The following ADAM18 variants were observed in gnomAD, a reference collection of about 807,000 sequenced individuals.
ADAM18 encodes ADAM metallopeptidase domain 18, also known as disintegrin and metalloproteinase domain-containing protein 18.
ADAM18 carries 117 observed loss-of-function variants against 94.4 expected under a neutral mutation model. The ratio of observed to expected loss-of-function variants is 1.24; its 90% CI spans 1.07 to 1.45. The LOEUF is 1.45. ADAM18 is among the 40% of genes most tolerant of loss of function. The pLI, the probability that ADAM18 is intolerant of heterozygous loss-of-function variation, is 0.00. For synonymous variants in ADAM18, 327 were observed against 291.6 expected (o/e 1.12, Z -1.24); for missense variants, 936 against 880.0 (o/e 1.06, Z -0.81).
At chr8:39,601,532 C>T (rs531311466) in intron 2 of ADAM18, among the ~76,000 whole-genome samples, 81 of 152,078 alleles carry the variant, frequency 5.3e-4, no homozygotes, top group African/African-American at 1.9e-3. Context: ...TTAATGTACA[C>T]ATTTAGTTTA....
intron 12 of ADAM18, among the ~76,000 whole-genome samples, chr8:39,658,258 C>T (rs1820739545): frequency 6.6e-6 from 1 of 152,164 alleles, no homozygotes; most frequent in Admixed American, 6.5e-5. Context: ...CCCATCTCAT[C>T]CTTGAACCTG....
chr8:39,598,786 C>A (rs1440820090), intron 2 of ADAM18, among the ~76,000 whole-genome samples: 107 of 148,468 alleles, frequency 7.2e-4, no homozygotes, highest in East Asian at 2.4e-3. Flanking sequence ...AAAAAAACAA[C>A]AAAAAAAAGA....
rs118096605 is a variant in ADAM18, at chr8:39,724,258, C to T, written c.2177+351C>T. ...TTTTAATATCTTTGTTCTTGTAATC[C>T]GTTCAGATTTTCTGTTCTTTATTAA... On this transcript the variant is annotated intron_variant, in intron 19 of 19. Transcript: ENST00000265707. Among the ~76,000 whole-genome samples, 699 of 151,714 alleles carry T rather than the reference C, an allele frequency of 4.6e-3. 8 individuals are homozygous for T. Among genetic ancestry groups the T allele is most frequent in the African/African-American group, 0.016 (656 of 41,488 alleles).
At chr8:39,706,123 A>G (rs976535337) in intron 17 of ADAM18, among the ~76,000 whole-genome samples, 2 of 152,170 alleles carry the variant, frequency 1.3e-5, no homozygotes, top group African/African-American at 4.8e-5. Flanking sequence ...AAATGAAAAT[A>G]CTAAACTGTA....
intron 18 of ADAM18, among the ~76,000 whole-genome samples, chr8:39,709,680 T>A (rs1822342684): frequency 6.6e-6 from 1 of 152,226 alleles, no homozygotes; most frequent in Non-Finnish European, 1.5e-5. Flanking sequence ...TCACATTTTA[T>A]AAAGTCCACC....
At chr8:39,661,631 C>T (rs1031597561) in intron 12 of ADAM18, among the ~76,000 whole-genome samples, 1 of 151,966 alleles carries the variant, frequency 6.6e-6, no homozygotes, top group Non-Finnish European at 1.5e-5. Flanking sequence ...GACTATAAAA[C>T]AGTATCAGTA....
chr8:39,654,153 C>CTTTTTTTTTTTTTTTTTTT (rs1563292600), intron 12 of ADAM18, among the ~76,000 whole-genome samples: 1 of 118,770 alleles, frequency 8.4e-6, no homozygotes, highest in Non-Finnish European at 1.8e-5. Context: ...GGATTTCATT[C>CTTTTTTTTTTTTTTTTTTT]CTTTTTTTTT....
chr8:39,605,766 G>A lies in ADAM18; in HGVS notation c.133-541G>A, dbSNP rs745744852. 4 of 212,118 alleles carry A rather than the reference G, an allele frequency of 1.9e-5. No individual in the cohort carries two copies. The South Asian group carries it at 2.1e-4, about 11-fold the overall frequency. 13.1% of individuals were successfully genotyped at this position (212,118 alleles called of 1,614,324 possible). A position where few individuals can be genotyped will look rare whatever the true frequency, so the allele number is the denominator to read the frequency against. ...AGGTGGTATTTGGTTACATGAGTAA[G>A]TTCTTTAGTGGTGATTTGTGAGATT... On this transcript the variant is annotated intron_variant, in intron 2 of 19. Coordinates refer to ENST00000265707, the MANE Select transcript of ADAM18 (RefSeq NM_014237.3).
At chr8:39,695,392 C>T (rs953201811) in intron 17 of ADAM18, among the ~76,000 whole-genome samples, 5 of 151,438 alleles carry the variant, frequency 3.3e-5, no homozygotes, top group Non-Finnish European at 4.4e-5. Flanking sequence ...GACATACTCA[C>T]CAGCATTTGG....
chr8:39,638,643 T>C, intron 10 of ADAM18, 97 bp downstream of exon 10: 1 of 634,596 alleles, frequency 1.6e-6, no homozygotes, highest in African/African-American at 1.9e-5. Flanking sequence ...TAAAACCATT[T>C]GATCTTTTTC....
At chr8:39,588,809 C>T (rs571746406) in intron 2 of ADAM18, among the ~76,000 whole-genome samples, 2 of 152,248 alleles carry the variant, frequency 1.3e-5, no homozygotes, top group Middle Eastern at 3.4e-3. Flanking sequence ...TGGAGCATCT[C>T]TTTAGGAGGT....
In ADAM18 at chr8:39,606,337, C is replaced by G; in HGVS notation, c.163C>G (p.Pro55Ala). Residue 55 changes from proline (P) to alanine (A), a missense_variant, in exon 3 of 20, where the codon CCT becomes GCT. Coordinates refer to ENST00000265707, the MANE Select transcript of ADAM18 (RefSeq NM_014237.3). ...TTACATCATTACAATTGATGGACAA[C>G]CTTACACTCTACATCTCGGAAAACA... ...MIYIITIDGQPYTLHLGKQSF... is the reference protein window; with the variant it reads ...MIYIITIDGQAYTLHLGKQSF... The G allele has an allele frequency of 6.4e-7, 1 of 1,562,048 alleles. No individual in the cohort carries two copies.
At chr8:39,724,004 A>G (rs1822833955) in intron 19 of ADAM18, 97 bp downstream of exon 19, 1 of 767,506 alleles carries the variant, frequency 1.3e-6, no homozygotes, top group East Asian at 3.4e-5. Flanking sequence ...TAATTCTTAA[A>G]TATACTATTT....
chr8:39,672,201 G>C (rs1226961366), intron 14 of ADAM18, among the ~76,000 whole-genome samples: 1 of 152,150 alleles, frequency 6.6e-6, no homozygotes, highest in Non-Finnish European at 1.5e-5. Context: ...AAGGCCAAAT[G>C]ATTTGGCCAA....
At chr8:39,708,467 T>A (rs927527808) in intron 18 of ADAM18, among the ~76,000 whole-genome samples, 11 of 152,214 alleles carry the variant, frequency 7.2e-5, no homozygotes, top group Non-Finnish European at 1.6e-4. Flanking sequence ...TTATTCTCAA[T>A]GAACTCTGGA....
intron 18 of ADAM18, among the ~76,000 whole-genome samples, chr8:39,720,814 T>C (rs1822722899): frequency 6.6e-6 from 1 of 151,374 alleles, no homozygotes; most frequent in Non-Finnish European, 1.5e-5. Context: ...GGAAAATCAC[T>C]GGAAATATTT....
chr8:39,611,160 T>C (rs2129578516), intron 6 of ADAM18: 1 of 884,176 alleles, frequency 1.1e-6, no homozygotes, highest in Non-Finnish European at 1.4e-6. Flanking sequence ...TTTCAGCACT[T>C]TGAATATTTC....
chr8:39,653,902 T>C (rs1258792376), intron 12 of ADAM18, among the ~76,000 whole-genome samples: 3 of 152,118 alleles, frequency 2.0e-5, no homozygotes, highest in African/African-American at 7.2e-5. Flanking sequence ...CTTATTGTGC[T>C]ATTGAACACT....
At chr8:39,655,841 T>C (rs995710270) in intron 12 of ADAM18, among the ~76,000 whole-genome samples, 13 of 150,796 alleles carry the variant, frequency 8.6e-5, no homozygotes, top group African/African-American at 3.2e-4. Context: ...TATAAATGAC[T>C]AGAAGAAAAA....
Sources: gnomAD v4.1 joint callset for allele counts (sites outside exome capture counted in the v4.1 genomes callset) on GRCh38, gnomAD v4.1.1 for gene constraint, MANE v1.5 for transcripts, NCBI Gene and HGNC (gene_info 2026-07-23, HGNC 2026-07-21) for gene names.